ADGRL3: variants seen among roughly 807,000 people sequenced by gnomAD.
ADGRL3 encodes the protein adhesion G protein-coupled receptor L3, also known as calcium-independent alpha-latrotoxin receptor 3.
In ADGRL3, 62 loss-of-function variants were observed where a neutral mutation model predicts 153.5. That is an observed-to-expected ratio of 0.40 (90% CI 0.33 to 0.50). The LOEUF is 0.50. Among genes scored for constraint, ADGRL3 ranks in the 20% least tolerant of loss-of-function variants. ADGRL3 has a pLI of 0.47. For missense variants in ADGRL3, 1,641 were observed against 1,859.4 expected (o/e 0.88, Z 2.16); for synonymous variants, 710 against 672.5 (o/e 1.06, Z -0.86).
intron 4 of ADGRL3, among the ~76,000 whole-genome samples, chr4:61,552,794 A>G (rs2098746279): frequency 6.6e-6 from 1 of 152,196 alleles, no homozygotes; most frequent in Non-Finnish European, 1.5e-5. Context: ...AAGGCCAAGA[A>G]TACACTATTA....
chr4:62,036,390 TC>T (rs1725009041), intron 23 of ADGRL3, among the ~76,000 whole-genome samples: 1 of 151,964 alleles, frequency 6.6e-6, no homozygotes, highest in Non-Finnish European at 1.5e-5. Context: ...CACACCTACT[TC>T]CCGCAGGCAC....
intron 6 of ADGRL3, among the ~76,000 whole-genome samples, chr4:61,720,398 T>G (rs1179254796): frequency 6.6e-6 from 1 of 152,192 alleles, no homozygotes. Flanking sequence ...AGAGTGACAC[T>G]TTTTTAAGAT....
intron 5 of ADGRL3, among the ~76,000 whole-genome samples, chr4:61,627,492 G>A (rs1192624444): frequency 1.3e-5 from 2 of 151,990 alleles, no homozygotes; most frequent in Non-Finnish European, 2.9e-5. Flanking sequence ...ATGGTGGCGG[G>A]TGCCTGTGAT....
chr4:61,987,793 C>G (rs2099090929), intron 19 of ADGRL3, among the ~76,000 whole-genome samples: 1 of 152,090 alleles, frequency 6.6e-6, no homozygotes, highest in Admixed American at 6.6e-5. Flanking sequence ...GTCTTGCCCA[C>G]TTACAGTACA....
intron 9 of ADGRL3, among the ~76,000 whole-genome samples, chr4:61,830,176 T>G (rs2097853362): frequency 1.3e-5 from 2 of 151,964 alleles, no homozygotes; most frequent in Non-Finnish European, 2.9e-5. Flanking sequence ...GCCCAGCTAA[T>G]TTTTCTTTTT....
intron 8 of ADGRL3, among the ~76,000 whole-genome samples, chr4:61,740,835 C>T (rs977321790): frequency 2.4e-4 from 37 of 152,256 alleles, no homozygotes; most frequent in African/African-American, 7.9e-4. Context: ...AAACACAATC[C>T]ACATTTTCTT....
intron 9 of ADGRL3, among the ~76,000 whole-genome samples, chr4:61,880,027 C>T (rs2149472898): frequency 6.6e-6 from 1 of 152,270 alleles, no homozygotes; most frequent in East Asian, 1.9e-4. Context: ...TGCCCAGCTA[C>T]TCTATTAATT....
rs59691960 is a variant in ADGRL3 at position 61,215,541 on chromosome 4, ATTTTTTTTTTTTT to A, written c.-240+13792_-240+13804del. 2.0e-4 allele frequency among the ~76,000 whole-genome samples: 15 copies of A among 73,706 alleles called. 1 individual carries two copies. Among genetic ancestry groups the A allele is most frequent in the Middle Eastern group, 0.013 (1 of 76 alleles). The allele number at this position is 73,706 out of a possible 152,430, so 48.4% of individuals were successfully genotyped here. ...AGCACATGCTGCCTTCTATTATGGA[ATTTTTTTTTTTTT>A]TTTTTTTTTTTTTTTGAGATGGAGT... On this transcript the variant is annotated intron_variant, in intron 1 of 26. Coordinates refer to ENST00000683033, the MANE Select transcript of ADGRL3 (RefSeq NM_001387552.1).
intron 2 of ADGRL3, among the ~76,000 whole-genome samples, chr4:61,407,360 A>G (rs1440445372): frequency 2.6e-5 from 4 of 152,152 alleles, no homozygotes; most frequent in East Asian, 1.9e-4. Context: ...CTCAAAATAT[A>G]TAATGAAAAA....
At chr4:61,680,821 A>G (rs2095320089) in intron 6 of ADGRL3, among the ~76,000 whole-genome samples, 1 of 152,034 alleles carries the variant, frequency 6.6e-6, no homozygotes, top group Admixed American at 6.6e-5. Flanking sequence ...GAGTCACTGA[A>G]GTTATATTTA....
intron 1 of ADGRL3, among the ~76,000 whole-genome samples, chr4:61,215,927 A>G (rs1742581618): frequency 1.3e-5 from 2 of 152,200 alleles, no homozygotes; most frequent in African/African-American, 4.8e-5. Context: ...CTTAACTTGT[A>G]TCGAATTAGT....
chr4:61,431,581 G>A (rs1405105963), intron 2 of ADGRL3, among the ~76,000 whole-genome samples: 2 of 152,158 alleles, frequency 1.3e-5, no homozygotes, highest in African/African-American at 4.8e-5. Context: ...GTGTTGGGCA[G>A]AGAACAAACT....
intron 5 of ADGRL3, among the ~76,000 whole-genome samples, chr4:61,643,487 T>A (rs1227105446): frequency 6.6e-6 from 1 of 151,848 alleles, no homozygotes; most frequent in Non-Finnish European, 1.5e-5. Context: ...TATTGAGAGT[T>A]TTTAGCATGA....
At position 61,998,160 on chromosome 4, in the gene ADGRL3, C is replaced by A. The variant is rs1329101120; in HGVS notation, c.3304-14C>A. ...CTCCAATTATGCTACATAACACTAC[C>A]TTTTGCATTCCAGCTTAATGTAATC... On this transcript the variant is annotated splice_polypyrimidine_tract_variant and intron_variant, in intron 20 of 26. Coordinates refer to ENST00000683033, the MANE Select transcript of ADGRL3 (RefSeq NM_001387552.1). 2.1e-6 allele frequency: 3 copies of A among 1,444,138 alleles called. No individual in the cohort carries two copies. Among genetic ancestry groups the A allele is most frequent in the South Asian group, 1.3e-5 (1 of 78,112 alleles). 89.5% of individuals were successfully genotyped at this position (1,444,138 alleles called of 1,614,324 possible). A position where few individuals can be genotyped will look rare whatever the true frequency, so the allele number is the denominator to read the frequency against.
chr4:61,218,727 A>T (rs1409913439), intron 1 of ADGRL3, among the ~76,000 whole-genome samples: 1 of 152,336 alleles, frequency 6.6e-6, no homozygotes, highest in East Asian at 1.9e-4. Context: ...TTCCTGAAGA[A>T]GGGAACCTCC....
At chr4:61,597,691 G>A (rs75375767) in intron 5 of ADGRL3, among the ~76,000 whole-genome samples, 1,927 of 146,624 alleles carry the variant, frequency 0.013, 26 homozygotes, top group African/African-American at 0.039. Context: ...AACTATACAC[G>A]TGAAGTCCAC....
intron 8 of ADGRL3, among the ~76,000 whole-genome samples, chr4:61,776,477 A>AT (rs1421543032): frequency 6.6e-6 from 1 of 152,168 alleles, no homozygotes; most frequent in Non-Finnish European, 1.5e-5. Context: ...GTTGAAGTAA[A>AT]TTATATGTTG....
intron 2 of ADGRL3, among the ~76,000 whole-genome samples, chr4:61,448,681 G>A (rs1352790665): frequency 1.3e-5 from 2 of 148,498 alleles, no homozygotes; most frequent in Non-Finnish European, 3.0e-5. Flanking sequence ...GGCAAAAATG[G>A]CAGTAGAAGG....
intron 8 of ADGRL3, among the ~76,000 whole-genome samples, chr4:61,756,831 G>A (rs577309127): frequency 6.6e-6 from 1 of 152,062 alleles, no homozygotes. Context: ...TAGCATGAAG[G>A]GTTGTTGAAT....
Sources: allele counts gnomAD v4.1 joint callset (sites outside exome capture counted in the v4.1 genomes callset), GRCh38; gene constraint gnomAD v4.1.1; transcripts MANE v1.5; gene names NCBI Gene and HGNC (gene_info 2026-07-23, HGNC 2026-07-21).